Variants in CNBD1 observed in about 807,000 individuals in gnomAD.
The protein encoded by CNBD1 is cyclic nucleotide binding domain containing 1.
A neutral mutation model predicts 54.4 loss-of-function variants in CNBD1; 71 were observed. That is an observed-to-expected ratio of 1.30 (90% CI 1.08 to 1.59). The LOEUF (loss-of-function observed/expected upper bound fraction) is 1.59. CNBD1 is among the 40% of genes most tolerant of loss of function. The pLI is 0.00. For synonymous variants in CNBD1, 182 were observed against 170.7 expected (o/e 1.07, Z -0.51); for missense variants, 659 against 518.0 (o/e 1.27, Z -2.64).
At chr8:86,876,595 A>G (rs1808524411) in intron 1 of CNBD1, among the ~76,000 whole-genome samples, 1 of 150,318 alleles carries the variant, frequency 6.7e-6, no homozygotes, top group Non-Finnish European at 1.5e-5. Flanking sequence ...CATTTTTCTT[A>G]TGTATTTTAA....
intron 4 of CNBD1, among the ~76,000 whole-genome samples, chr8:87,175,649 G>A (rs1203445643): frequency 1.3e-5 from 2 of 152,194 alleles, no homozygotes; most frequent in African/African-American, 4.8e-5. Flanking sequence ...TCAGGCTGAA[G>A]GAAGGGGTCT....
chr8:87,327,957 G>A (rs1450545107), intron 8 of CNBD1, among the ~76,000 whole-genome samples: 4 of 151,282 alleles, frequency 2.6e-5, no homozygotes, highest in Admixed American at 6.6e-5. Flanking sequence ...TTTGCATGTT[G>A]ATATCCAGTT....
rs771010048 is a variant in CNBD1 at position 86,905,120 on chromosome 8, T to C, written c.198T>C (p.Phe66=). Reference sequence around the variant, plus strand: ...ATATCTTATCAGCTCACGATACATTTATGAAGCAATATCCTAAAGTATTCC... The same window carrying C: ...ATATCTTATCAGCTCACGATACATTCATGAAGCAATATCCTAAAGTATTCC... ...MSNILSAHDT[F]MKQYPKVFLH... Residue 66 remains phenylalanine, a synonymous_variant, in exon 3 of 11, where the codon TTT becomes TTC. Transcript: ENST00000518476. The C allele has an allele frequency of 3.7e-6, 6 of 1,612,278 alleles. No individual in the cohort carries two copies. In the African/African-American group the frequency reaches 8.0e-5, roughly 22 times the overall value.
intron 6 of CNBD1, among the ~76,000 whole-genome samples, chr8:87,259,289 C>A (rs1808088066): frequency 6.6e-6 from 1 of 152,138 alleles, no homozygotes; most frequent in African/African-American, 2.4e-5. Context: ...TTATAACTTT[C>A]TTTGCATAGC....
intron 5 of CNBD1, among the ~76,000 whole-genome samples, chr8:87,225,455 G>A (rs1814460765): frequency 6.6e-6 from 1 of 151,486 alleles, no homozygotes; most frequent in South Asian, 2.1e-4. Flanking sequence ...ATGAAGGGTT[G>A]TTGAATTTTG....
chr8:87,229,296 G>A (rs61080062), intron 5 of CNBD1, among the ~76,000 whole-genome samples: 2 of 149,966 alleles, frequency 1.3e-5, no homozygotes, highest in African/African-American at 2.4e-5. Context: ...TTAAATGCTG[G>A]TTTTTTTTTT....
chr8:87,383,030 GC>G (rs1367298503), downstream of CNBD1, among the ~76,000 whole-genome samples: 1 of 151,796 alleles, frequency 6.6e-6, no homozygotes, highest in East Asian at 1.9e-4. Flanking sequence ...GACCACATGT[GC>G]CTTTTGGGAT....
At chr8:87,176,395 G>A (rs1169634879) in intron 4 of CNBD1, among the ~76,000 whole-genome samples, 1 of 151,956 alleles carries the variant, frequency 6.6e-6, no homozygotes, top group East Asian at 1.9e-4. Flanking sequence ...CATCTGCCAA[G>A]GAATATGTCA....
chr8:86,963,088 G>T (rs191845548), intron 4 of CNBD1, among the ~76,000 whole-genome samples: 1 of 152,070 alleles, frequency 6.6e-6, no homozygotes, highest in Non-Finnish European at 1.5e-5. Context: ...GAATACCCGG[G>T]GTATGTGACA....
intron 4 of CNBD1, among the ~76,000 whole-genome samples, chr8:87,034,774 A>G (rs1490800041): frequency 2.6e-5 from 4 of 152,144 alleles, no homozygotes; most frequent in Non-Finnish European, 5.9e-5. Flanking sequence ...AAATCTCCAG[A>G]CAAATTTAGT....
intron 6 of CNBD1, among the ~76,000 whole-genome samples, chr8:87,265,464 G>A (rs932608745): frequency 3.3e-5 from 5 of 152,016 alleles, no homozygotes; most frequent in African/African-American, 1.2e-4. Flanking sequence ...TTTTGGCTTA[G>A]GATTGACTTG....
chr8:86,899,858 T>A (rs1808906237), intron 2 of CNBD1, among the ~76,000 whole-genome samples: 1 of 152,094 alleles, frequency 6.6e-6, no homozygotes, highest in Non-Finnish European at 1.5e-5. Flanking sequence ...CCTTCAAGAG[T>A]CCTTCCACAA....
chr8:86,936,608 T>G (rs2130418205), intron 3 of CNBD1, among the ~76,000 whole-genome samples: 1 of 151,974 alleles, frequency 6.6e-6, no homozygotes, highest in Admixed American at 6.5e-5. Context: ...CCAGGTGTGG[T>G]GGTAGGCGCC....
At chr8:87,327,503 G>T (rs887658079) in intron 8 of CNBD1, among the ~76,000 whole-genome samples, 12 of 152,210 alleles carry the variant, frequency 7.9e-5, no homozygotes, top group Non-Finnish European at 1.6e-4. Context: ...ATATAGTTTC[G>T]TGGTGCGCCG....
At chr8:87,217,657 A>T (rs562638184) in intron 5 of CNBD1, among the ~76,000 whole-genome samples, 1 of 151,952 alleles carries the variant, frequency 6.6e-6, no homozygotes, top group African/African-American at 2.4e-5. Flanking sequence ...GAGAGAAAAA[A>T]GTTTGACTTT....
intron 6 of CNBD1, among the ~76,000 whole-genome samples, chr8:87,273,727 T>G (rs560798005): frequency 2.0e-5 from 3 of 152,200 alleles, no homozygotes; most frequent in African/African-American, 7.2e-5. Context: ...AGTAAGTGTA[T>G]AGCTCTTTAA....
chr8:87,337,218 G>C (rs926076342), intron 8 of CNBD1, among the ~76,000 whole-genome samples: 12 of 152,146 alleles, frequency 7.9e-5, no homozygotes, highest in African/African-American at 2.7e-4. Context: ...AGGCACTTTG[G>C]CTGTCCCTTG....
intron 8 of CNBD1, among the ~76,000 whole-genome samples, chr8:87,296,858 A>C (rs1403970177): frequency 6.6e-6 from 1 of 152,102 alleles, no homozygotes; most frequent in Non-Finnish European, 1.5e-5. Flanking sequence ...TATCATTTTA[A>C]ATTTTCTAGC....
At chr8:87,403,088 A>T (rs971692329) in intron 2 of CNBD1, among the ~76,000 whole-genome samples, 1 of 151,812 alleles carries the variant, frequency 6.6e-6, no homozygotes, top group Non-Finnish European at 1.5e-5. Flanking sequence ...CCTCATAAAG[A>T]TGCTTAAAAT....
Sources: allele counts gnomAD v4.1 joint callset (sites outside exome capture counted in the v4.1 genomes callset), GRCh38; gene constraint gnomAD v4.1.1; transcripts MANE v1.5; gene names NCBI Gene and HGNC (gene_info 2026-07-23, HGNC 2026-07-21).